Variants in CSNK1A1 observed in about 807,000 individuals in gnomAD.
The protein encoded by CSNK1A1 is casein kinase 1 alpha 1.
CSNK1A1 carries 7 observed loss-of-function variants against 46.1 expected under a neutral mutation model. That is an observed-to-expected ratio of 0.15 (90% CI 0.09 to 0.29). The LOEUF is 0.29. Ranked by LOEUF, CSNK1A1 falls within the 10% of genes least tolerant of loss-of-function variation. CSNK1A1 has a pLI of 1.00. For missense variants in CSNK1A1, 96 were observed against 417.1 expected, an observed-to-expected ratio of 0.23 and a Z score of 6.71; for synonymous variants, 137 against 141.5, an observed-to-expected ratio of 0.97 and a Z score of 0.23.
chr5:149,542,608 A>G (rs181054494), intron 2 of CSNK1A1, among the ~76,000 whole-genome samples: 2 of 11,314 alleles, frequency 1.8e-4, no homozygotes, highest in African/African-American at 7.5e-4. Flanking sequence ...ATATATATAT[A>G]TATATATATA....
chr5:149,551,117 G>A lies in CSNK1A1; in HGVS notation c.-153C>T, dbSNP rs1762645880. The A allele has an allele frequency of 4.0e-6, 3 of 748,158 alleles. No homozygotes were observed. Among genetic ancestry groups the A allele is most frequent in the Non-Finnish European group, 6.5e-6 (3 of 460,242 alleles). The allele number at this position is 748,158 out of a possible 1,614,324, so 46.3% of individuals were successfully genotyped here. On this transcript the variant is annotated 5_prime_UTR_variant, in exon 1 of 10. Coordinates refer to ENST00000377843, the MANE Select transcript of CSNK1A1 (RefSeq NM_001892.6). The stretch of plus-strand genomic sequence containing the variant: ...TACCGGGGTTCGGGGCCCAGAATCA[G>A]CAGAGGGGAACCTGATCACCGCCGC...
chr5:149,532,845 T>C (rs1761943857), intron 2 of CSNK1A1, among the ~76,000 whole-genome samples: 2 of 152,206 alleles, frequency 1.3e-5, no homozygotes. Context: ...CCTGTCTAAA[T>C]ACATAGATCT....
chr5:149,532,065 G>A (rs1345735882), intron 2 of CSNK1A1, among the ~76,000 whole-genome samples: 1 of 151,924 alleles, frequency 6.6e-6, no homozygotes, highest in Non-Finnish European at 1.5e-5. Context: ...TTTTAGTAGA[G>A]ACAGGGTTTC....
At chr5:149,502,315 T>C in intron 9 of CSNK1A1, 1 of 966,496 alleles carries the variant, frequency 1.0e-6, no homozygotes, top group Non-Finnish European at 1.2e-6. Context: ...AATTTAACTC[T>C]GTGAAGAGTA....
At chr5:149,515,357 C>G (rs1761367062) in intron 4 of CSNK1A1, among the ~76,000 whole-genome samples, 2 of 152,220 alleles carry the variant, frequency 1.3e-5, no homozygotes, top group Non-Finnish European at 2.9e-5. Context: ...CAGACACTTT[C>G]TCACAACCAA....
At chr5:149,503,944 A>G (rs1760951107) in intron 9 of CSNK1A1, 1 of 985,336 alleles carries the variant, frequency 1.0e-6, no homozygotes, top group East Asian at 1.1e-4. Context: ...AGAAAAAGCA[A>G]ATATACTATA....
intron 4 of CSNK1A1, among the ~76,000 whole-genome samples, chr5:149,519,917 C>T (rs1025429679): frequency 6.6e-6 from 1 of 152,016 alleles, no homozygotes; most frequent in Non-Finnish European, 1.5e-5. Context: ...CACTTCAGAG[C>T]CAAAGGTTAA....
intron 2 of CSNK1A1, among the ~76,000 whole-genome samples, chr5:149,533,715 C>G (rs894449517): frequency 2.6e-5 from 4 of 151,274 alleles, no homozygotes; most frequent in Non-Finnish European, 5.9e-5. Flanking sequence ...CTTTTGTCAG[C>G]TCTTGTCATC....
chr5:149,526,785 G>C (rs1328756960), intron 2 of CSNK1A1, among the ~76,000 whole-genome samples: 5 of 151,976 alleles, frequency 3.3e-5, no homozygotes, highest in Non-Finnish European at 7.4e-5. Context: ...GAAAGGGGGG[G>C]GAGCCTCAAA....
At chr5:149,504,787 T>A (rs567705787) in intron 9 of CSNK1A1, 1 of 985,312 alleles carries the variant, frequency 1.0e-6, no homozygotes, top group Non-Finnish European at 1.2e-6. Flanking sequence ...GAAATCGTTT[T>A]GAAATTAAGA....
intron 2 of CSNK1A1, among the ~76,000 whole-genome samples, chr5:149,538,014 GTTTTTTTTTT>G (rs890909710): frequency 4.7e-5 from 4 of 85,728 alleles, no homozygotes; most frequent in South Asian, 4.0e-4. Flanking sequence ...AGTGTGCCCA[GTTTTTTTTTT>G]TTTTTTTTTT....
intron 2 of CSNK1A1, among the ~76,000 whole-genome samples, chr5:149,547,058 CCA>C (rs1045471046): frequency 1.3e-5 from 2 of 152,276 alleles, no homozygotes; most frequent in East Asian, 1.9e-4. Context: ...TTTACCCTTT[CCA>C]CACTCTCATC....
chr5:149,532,953 A>C (rs1303514579), intron 2 of CSNK1A1, among the ~76,000 whole-genome samples: 1 of 152,292 alleles, frequency 6.6e-6, no homozygotes, highest in East Asian at 1.9e-4. Flanking sequence ...AATATTTGAA[A>C]ATCATGTATG....
chr5:149,529,264 T>G lies in CSNK1A1; in HGVS notation c.231-4093A>C, dbSNP rs368484615. ...CTAGGCTGAAGAATGAGTTCATAAT[T>G]TACACAACCATTATTACTTACTTAC... On this transcript the variant is annotated intron_variant, in intron 2 of 9. Coordinates refer to ENST00000377843, the MANE Select transcript of CSNK1A1 (RefSeq NM_001892.6). 6.8e-4 allele frequency among the ~76,000 whole-genome samples: 103 copies of G among 152,298 alleles called. 1 individual carries two copies. The South Asian group carries it at 0.013, about 19-fold the overall frequency.
intron 9 of CSNK1A1, chr5:149,501,664 G>T: frequency 1.0e-6 from 1 of 985,254 alleles, no homozygotes; most frequent in Non-Finnish European, 1.2e-6. Flanking sequence ...GATGATGAGA[G>T]TACAGAATAG....
At chr5:149,524,670 C>A (rs752318474) in intron 3 of CSNK1A1, among the ~76,000 whole-genome samples, 1 of 152,134 alleles carries the variant, frequency 6.6e-6, no homozygotes, top group Non-Finnish European at 1.5e-5. Context: ...AAGAGTCCCA[C>A]ACATAATACA....
chr5:149,545,848 C>A, intron 2 of CSNK1A1: 1 of 353,742 alleles, frequency 2.8e-6, no homozygotes, highest in South Asian at 3.6e-5. Context: ...CCGGAAGCTT[C>A]ATTTCTTAAA....
Position 149,551,076 on chromosome 5 carries a change from G to T in CSNK1A1, c.-112C>A, listed in dbSNP as rs561587028. ...GCTACGGAGGAGGGCGGCAGGAAACGGAACACGGAGGCCTTTACCGGGGTT... is the reference window on the plus strand; with the variant it reads ...GCTACGGAGGAGGGCGGCAGGAAACTGAACACGGAGGCCTTTACCGGGGTT... On this transcript the variant is annotated 5_prime_UTR_variant, in exon 1 of 10. Transcript: ENST00000377843. The T allele has an allele frequency of 1.7e-6, 2 of 1,182,262 alleles. No homozygotes were observed. The highest frequency in any genetic ancestry group is 2.4e-6 in the Non-Finnish European group (2 of 829,400). The allele number at this position is 1,182,262 out of a possible 1,614,324, so 73.2% of individuals were successfully genotyped here. A position where few individuals can be genotyped will look rare whatever the true frequency, so the allele number is the denominator to read the frequency against.
chr5:149,538,657 T>C (rs1162989028), intron 2 of CSNK1A1, among the ~76,000 whole-genome samples: 1 of 152,114 alleles, frequency 6.6e-6, no homozygotes, highest in African/African-American at 2.4e-5. Flanking sequence ...GCACAGCGGC[T>C]CACATCTGTA....
Sources: gnomAD v4.1 joint callset for allele counts (sites outside exome capture counted in the v4.1 genomes callset) on GRCh38, gnomAD v4.1.1 for gene constraint, MANE v1.5 for transcripts, NCBI Gene and HGNC (gene_info 2026-07-23, HGNC 2026-07-21) for gene names.